Variants in OR51C1 observed in about 807,000 individuals in gnomAD.
The protein encoded by OR51C1 is olfactory receptor OR51C1.
At chr11:4,693,057 T>C in the OR51C1 span, among the ~76,000 whole-genome samples, 1 of 152,162 alleles carries the variant, frequency 6.6e-6, no homozygotes, top group Admixed American at 6.6e-5. Context: ...ATAAGAATTA[T>C]AGTTAATGTA....
At chr11:4,693,302 A>G in the OR51C1 span, among the ~76,000 whole-genome samples, 73 of 152,370 alleles carry the variant, frequency 4.8e-4, no homozygotes, top group African/African-American at 1.7e-3. Context: ...ATTACCAGAA[A>G]GAGAGCATTC....
At chr11:4,691,625 G>A in the OR51C1 span, 1 of 446,662 alleles carries the variant, frequency 2.2e-6, no homozygotes, top group South Asian at 1.6e-5. Flanking sequence ...AGATCCAGGT[G>A]TGGAAGGCTT....
At chr11:4,691,653 G>A in the OR51C1 span, 9 of 415,368 alleles carry the variant, frequency 2.2e-5, no homozygotes, top group Admixed American at 2.2e-4. Context: ...AGGAACACCA[G>A]TGAGCAGGAA....
the OR51C1 span, among the ~76,000 whole-genome samples, chr11:4,692,852 G>GA: frequency 1.0e-4 from 14 of 136,642 alleles, no homozygotes; most frequent in South Asian, 1.4e-3. Flanking sequence ...AAGTCTTAGT[G>GA]AAAAAAAAAG....
chr11:4,691,143 A>G, the OR51C1 span: 2 of 456,608 alleles, frequency 4.4e-6, no homozygotes, highest in Admixed American at 4.7e-5. Flanking sequence ...TGAGAGCTTC[A>G]TCACATCAGG....
the OR51C1 span, among the ~76,000 whole-genome samples, chr11:4,697,123 A>T: frequency 6.6e-6 from 1 of 152,230 alleles, no homozygotes; most frequent in African/African-American, 2.4e-5. Context: ...GAGTATCAGA[A>T]GTCTGAAACA....
the OR51C1 span, among the ~76,000 whole-genome samples, chr11:4,694,575 T>TACACACAC: frequency 4.1e-5 from 6 of 147,954 alleles, no homozygotes; most frequent in African/African-American, 1.2e-4. Context: ...CATATATATA[T>TACACACAC]ACACACACAC....
the OR51C1 span, among the ~76,000 whole-genome samples, chr11:4,694,483 TAC>T: frequency 7.0e-6 from 1 of 142,710 alleles, no homozygotes; most frequent in African/African-American, 2.6e-5. Flanking sequence ...TACATATATA[TAC>T]GTGTATATAT....
chr11:4,694,212 TC>T, the OR51C1 span, among the ~76,000 whole-genome samples: 1 of 152,050 alleles, frequency 6.6e-6, no homozygotes, highest in South Asian at 2.1e-4. Context: ...GTAGTTTTTT[TC>T]CTCCTTCTTG....
At chr11:4,691,081 T>C in the OR51C1 span, 1 of 456,716 alleles carries the variant, frequency 2.2e-6, no homozygotes, top group Non-Finnish European at 4.4e-6. Flanking sequence ...ACACCAACAG[T>C]AGAGAACATG....
chr11:4,694,572 A>T, the OR51C1 span, among the ~76,000 whole-genome samples: 16 of 120,550 alleles, frequency 1.3e-4, no homozygotes, highest in South Asian at 3.9e-3. Context: ...ATACATATAT[A>T]TATACACACA....
At chr11:4,693,699 G>A in the OR51C1 span, among the ~76,000 whole-genome samples, 2 of 152,056 alleles carry the variant, frequency 1.3e-5, no homozygotes, top group African/African-American at 4.8e-5. Context: ...TCCAACCTGG[G>A]CGACAGAGCG....
the OR51C1 span, chr11:4,691,105 C>T: frequency 4.4e-6 from 2 of 456,728 alleles, no homozygotes; most frequent in Non-Finnish European, 8.8e-6. Context: ...GTCAGCCCAA[C>T]TGCACTGTTG....
the OR51C1 span, among the ~76,000 whole-genome samples, chr11:4,696,558 C>A: frequency 6.6e-6 from 1 of 152,054 alleles, no homozygotes; most frequent in Admixed American, 6.6e-5. Flanking sequence ...TTGAAAAAAT[C>A]TTAAGTGTTT....
At chr11:4,692,385 C>CG in the OR51C1 span, among the ~76,000 whole-genome samples, 1 of 152,212 alleles carries the variant, frequency 6.6e-6, no homozygotes, top group South Asian at 2.1e-4. Flanking sequence ...GAGGCTGCCC[C>CG]CACCTGATAT....
chr11:4,693,809 T>A, the OR51C1 span, among the ~76,000 whole-genome samples: 1 of 152,312 alleles, frequency 6.6e-6, no homozygotes, highest in Middle Eastern at 3.4e-3. Context: ...TCAGGGACAT[T>A]AACTGAGTAT....
At chr11:4,691,966 A>G in the OR51C1 span, among the ~76,000 whole-genome samples, 641 of 152,278 alleles carry the variant, frequency 4.2e-3, 3 homozygotes, top group African/African-American at 0.015. Context: ...TGTTTATATC[A>G]TGTGACCACT....
chr11:4,693,653 G>A, the OR51C1 span, among the ~76,000 whole-genome samples: 54 of 152,204 alleles, frequency 3.5e-4, no homozygotes, highest in Non-Finnish European at 6.2e-4. Flanking sequence ...CCTGGAAGGC[G>A]GAGCTTCCAG....
At chr11:4,693,679 G>T in the OR51C1 span, among the ~76,000 whole-genome samples, 1 of 152,078 alleles carries the variant, frequency 6.6e-6, no homozygotes, top group African/African-American at 2.4e-5. Flanking sequence ...CCGAGATGGC[G>T]CCATTGCACT....
Sources: allele counts gnomAD v4.1 joint callset (sites outside exome capture counted in the v4.1 genomes callset), GRCh38; gene constraint gnomAD v4.1.1; transcripts MANE v1.5; gene names NCBI Gene and HGNC (gene_info 2026-07-23, HGNC 2026-07-21).